KCNQ1: variants seen among roughly 807,000 people sequenced by gnomAD.
The protein encoded by KCNQ1 is potassium voltage-gated channel subfamily KQT member 1.
In KCNQ1, 49 loss-of-function variants were observed where a neutral mutation model predicts 72.4. The ratio of observed to expected loss-of-function variants is 0.68; its 90% CI spans 0.54 to 0.86. The LOEUF (loss-of-function observed/expected upper bound fraction) is 0.86. KCNQ1 is among the 40% of genes least tolerant of loss of function. KCNQ1 has a pLI of 0.00. For missense variants in KCNQ1, 790 were observed against 945.1 expected, an observed-to-expected ratio of 0.84 and a Z score of 2.15; for synonymous variants, 450 against 412.6, an observed-to-expected ratio of 1.09 and a Z score of -1.10.
intron 2 of KCNQ1, among the ~76,000 whole-genome samples, chr11:2,530,159 A>G (rs548411637): frequency 2.0e-5 from 3 of 152,160 alleles, no homozygotes; most frequent in Non-Finnish European, 4.4e-5. Context: ...GCGATGTCCA[A>G]TACCCTTGGC....
intron 11 of KCNQ1, among the ~76,000 whole-genome samples, chr11:2,739,454 C>G (rs1019555773): frequency 1.3e-5 from 2 of 152,222 alleles, no homozygotes; most frequent in East Asian, 1.9e-4. Flanking sequence ...TCCCCCACCC[C>G]CAAAGGTGGA....
In KCNQ1 at chr11:2,676,055, C is replaced by T; in HGVS notation, c.1514+13974C>T. On this transcript the variant is annotated intron_variant, in intron 11 of 15. Transcript: ENST00000155840. This position sits in a 1 kb window ranked among gnomAD's most constrained non-coding sequence, Gnocchi z 4.2. ...TCAACACTTTCCTATTGCATCTTTC[C>T]AGACGTATTTTATATAAACAAATAT... 2 of 398,620 alleles carry T rather than the reference C, an allele frequency of 5.0e-6. No homozygotes were observed. The highest frequency in any genetic ancestry group is 4.4e-6 in the Non-Finnish European group (1 of 226,054). The allele number at this position is 398,620 out of a possible 1,614,324, so 24.7% of individuals were successfully genotyped here.
rs1849764163 is a variant in KCNQ1 at position 2,651,996 on chromosome 11, G to T, written c.1394-9965G>T. On this transcript the variant is annotated intron_variant, in intron 10 of 15. Coordinates refer to ENST00000155840, the MANE Select transcript of KCNQ1 (RefSeq NM_000218.3). This position sits in a 1 kb window ranked among gnomAD's most constrained non-coding sequence, Gnocchi z 6.1. ...GAGTTGATTACTTTTGACATCAGTT[G>T]TTAACATAATTTTGATGTTGAGCCT... The T allele has an allele frequency of 2.5e-6, 1 of 398,678 alleles. No individual in the cohort carries two copies. The highest frequency in any genetic ancestry group is 4.4e-6 in the Non-Finnish European group (1 of 226,098). The allele number at this position is 398,678 out of a possible 1,614,324, so 24.7% of individuals were successfully genotyped here. A position where few individuals can be genotyped will look rare whatever the true frequency, so the allele number is the denominator to read the frequency against.
chr11:2,771,184 C>T (rs1348141853), intron 12 of KCNQ1, among the ~76,000 whole-genome samples: 1 of 152,238 alleles, frequency 6.6e-6, no homozygotes, highest in Admixed American at 6.5e-5. Context: ...TGGGGGAACC[C>T]AGCAGAGCAT....
chr11:2,658,661 T>C lies in KCNQ1; in HGVS notation c.1394-3300T>C, dbSNP rs1849895888. ...GGCTACTAGGGTATCATTGCTTCAG[T>C]CTCCTCTCAGTGGACAGAGCTAGGA... On this transcript the variant is annotated intron_variant, in intron 10 of 15. Transcript: ENST00000155840. This position sits in a 1 kb window ranked among gnomAD's most constrained non-coding sequence, Gnocchi z 4.9. 1 of 398,392 alleles carries C rather than the reference T, an allele frequency of 2.5e-6. No homozygotes were observed. The highest frequency in any genetic ancestry group is 1.3e-4 in the South Asian group (1 of 7,842). The allele number at this position is 398,392 out of a possible 1,614,324, so 24.7% of individuals were successfully genotyped here. A position where few individuals can be genotyped will look rare whatever the true frequency, so the allele number is the denominator to read the frequency against.
chr11:2,610,856 A>G lies in KCNQ1; in HGVS notation c.1393+22002A>G, dbSNP rs1589980456. ...GACACCAGAACAGGGGAGGGTATTA[A>G]GCAGAGTGCCACATAGCCTCACCTC... is the stretch of plus-strand genomic sequence containing the variant. On this transcript the variant is annotated intron_variant, in intron 10 of 15. Coordinates refer to ENST00000155840, the MANE Select transcript of KCNQ1 (RefSeq NM_000218.3). The G allele has an allele frequency of 1.0e-4, 40 of 397,910 alleles. No homozygotes were observed. The East Asian group carries it at 1.4e-3, about 14-fold the overall frequency. The allele number at this position is 397,910 out of a possible 1,614,324, so 24.6% of individuals were successfully genotyped here.
chr11:2,658,479 A>T lies in KCNQ1; in HGVS notation c.1394-3482A>T. On this transcript the variant is annotated intron_variant, in intron 10 of 15. Transcript: ENST00000155840. This position sits in a 1 kb window ranked among gnomAD's most constrained non-coding sequence, Gnocchi z 4.9. ...TGATGTGCCCCCCGCCATCCTTTTC[A>T]TTTATTTTTAAGCATTTCTTTTCTA... 2.5e-6 allele frequency: 1 copy of T among 398,344 alleles called. No homozygotes were observed. 24.7% of individuals were successfully genotyped at this position (398,344 alleles called of 1,614,324 possible). A position where few individuals can be genotyped will look rare whatever the true frequency, so the allele number is the denominator to read the frequency against.
rs1847847818 is a variant in KCNQ1 at position 2,542,699 on chromosome 11, C to A, written c.477+14681C>A. Among the ~76,000 whole-genome samples the A allele has an allele frequency of 1.3e-5, 2 of 152,186 alleles. 1 individual carries two copies. The highest frequency in any genetic ancestry group is 4.1e-4 in the South Asian group (2 of 4,832). On this transcript the variant is annotated intron_variant, in intron 2 of 15. Transcript: ENST00000155840. ...CGTTTTCTGGGGCTTGTTGTCAGTGCAATCATACAGTGTGTGGTTTTTATT... is the reference window on the plus strand; with the variant it reads ...CGTTTTCTGGGGCTTGTTGTCAGTGAAATCATACAGTGTGTGGTTTTTATT...
intron 1 of KCNQ1, among the ~76,000 whole-genome samples, chr11:2,496,501 T>TTTTTTTTTTTTTTTTTTG (rs1846922178): frequency 9.7e-6 from 1 of 103,594 alleles, no homozygotes; most frequent in Non-Finnish European, 1.9e-5. Flanking sequence ...CCTGCTTTTT[T>TTTTTTTTTTTTTTTTTTG]TTTTTTTTTT....
At chr11:2,528,864 CCA>C (rs1847557863) in intron 2 of KCNQ1, among the ~76,000 whole-genome samples, 2 of 152,260 alleles carry the variant, frequency 1.3e-5, no homozygotes, top group African/African-American at 2.4e-5. Context: ...CCTCCGGGGT[CCA>C]GAGTCCTCTC....
chr11:2,459,130 C>T (rs763393722), intron 1 of KCNQ1, among the ~76,000 whole-genome samples: 26 of 152,166 alleles, frequency 1.7e-4, no homozygotes, highest in Non-Finnish European at 3.4e-4. Context: ...CCAGAGTTTG[C>T]ACCCAGCTCC....
chr11:2,580,297 C>T (rs1046092791), intron 6 of KCNQ1, among the ~76,000 whole-genome samples: 2 of 152,012 alleles, frequency 1.3e-5, no homozygotes, highest in Non-Finnish European at 2.9e-5. Context: ...TCTCAGGGCC[C>T]CTTGGTGCCC....
At position 2,824,788 on chromosome 11, in the gene KCNQ1, A is replaced by G. The variant is rs1049004472; in HGVS notation, c.1795-22979A>G. Among the ~76,000 whole-genome samples, 2 of 151,584 alleles carry G rather than the reference A, an allele frequency of 1.3e-5. No homozygotes were observed. The highest frequency in any genetic ancestry group is 3.0e-5 in the Non-Finnish European group (2 of 67,768). Reference sequence around the variant, plus strand: ...GGAAGGAACGTCCCCTGGGTTCCACACCACAGAGCCATAGAATTCTGTACT... The same window carrying G: ...GGAAGGAACGTCCCCTGGGTTCCACGCCACAGAGCCATAGAATTCTGTACT... On this transcript the variant is annotated intron_variant, in intron 15 of 15. Transcript: ENST00000155840. The surrounding 1 kb of genome is among the most constrained non-coding windows in gnomAD (Gnocchi z 5.9).
chr11:2,840,820 C>T (rs1311494688), intron 15 of KCNQ1, among the ~76,000 whole-genome samples: 1 of 152,230 alleles, frequency 6.6e-6, no homozygotes, highest in Non-Finnish European at 1.5e-5. Flanking sequence ...CTGCTCAGCA[C>T]CCACCCTGGG....
At position 2,812,390 on chromosome 11, in the gene KCNQ1, C is replaced by A. The variant is rs556879286; in HGVS notation, c.1794+34353C>A. 1.3e-4 allele frequency among the ~76,000 whole-genome samples: 20 copies of A among 152,308 alleles called. No homozygotes were observed. In the South Asian group the frequency reaches 2.1e-3, roughly 16 times the overall value. On this transcript the variant is annotated intron_variant, in intron 15 of 15. Transcript: ENST00000155840. Reference sequence around the variant, plus strand: ...CCGAGGAGGGTTCCGTTCCCTCCCCCACCCTGGCAGTGCTCGGGGGCTCCA... The same window carrying A: ...CCGAGGAGGGTTCCGTTCCCTCCCCAACCCTGGCAGTGCTCGGGGGCTCCA...
Position 2,669,941 on chromosome 11 carries a change from G to A in KCNQ1, c.1514+7860G>A, listed in dbSNP as rs2133866977. 2.5e-6 allele frequency: 1 copy of A among 398,690 alleles called. No individual in the cohort carries two copies. The highest frequency in any genetic ancestry group is 4.4e-5 in the Admixed American group (1 of 22,744). The allele number at this position is 398,690 out of a possible 1,614,324, so 24.7% of individuals were successfully genotyped here. Reference sequence around the variant, plus strand: ...AAGCTCCAGGACAGTCTGGAGTCAGGTGGAGGGAAGGGAAGTCTAGAGGTC... The same window carrying A: ...AAGCTCCAGGACAGTCTGGAGTCAGATGGAGGGAAGGGAAGTCTAGAGGTC... On this transcript the variant is annotated intron_variant, in intron 11 of 15. Coordinates refer to ENST00000155840, the MANE Select transcript of KCNQ1 (RefSeq NM_000218.3). This position sits in a 1 kb window ranked among gnomAD's most constrained non-coding sequence, Gnocchi z 5.6.
At chr11:2,561,658 G>A (rs1438785406) in intron 2 of KCNQ1, among the ~76,000 whole-genome samples, 2 of 152,222 alleles carry the variant, frequency 1.3e-5, no homozygotes, top group Non-Finnish European at 2.9e-5. Context: ...CCTGCCCTGT[G>A]CCCATCCTCC....
In KCNQ1 at chr11:2,617,063, A is replaced by G; in HGVS notation, c.1393+28209A>G. ...CAAATTAATATGTCCATCATCTCAC[A>G]GTTATTCTTTTGTGTGTATGAGTGA... On this transcript the variant is annotated intron_variant, in intron 10 of 15. Coordinates refer to ENST00000155840, the MANE Select transcript of KCNQ1 (RefSeq NM_000218.3). The surrounding 1 kb of genome is among the most constrained non-coding windows in gnomAD (Gnocchi z 4.6). 4 of 398,198 alleles carry G rather than the reference A, an allele frequency of 1.0e-5. No homozygotes were observed. The highest frequency in any genetic ancestry group is 1.8e-5 in the Non-Finnish European group (4 of 225,868). The allele number at this position is 398,198 out of a possible 1,614,324, so 24.7% of individuals were successfully genotyped here.
At chr11:2,520,748 C>T (rs1847368359) in intron 1 of KCNQ1, among the ~76,000 whole-genome samples, 1 of 152,116 alleles carries the variant, frequency 6.6e-6, no homozygotes, top group South Asian at 2.1e-4. Context: ...TGTTTCCTTC[C>T]TGGGGCACAT....
Sources: allele counts gnomAD v4.1 joint callset (sites outside exome capture counted in the v4.1 genomes callset), GRCh38; gene constraint gnomAD v4.1.1; non-coding constraint Gnocchi (gnomAD v3.1); transcripts MANE v1.5; gene names NCBI Gene and HGNC (gene_info 2026-07-23, HGNC 2026-07-21).